The following GRHL1 variants were observed in gnomAD, a reference collection of about 807,000 sequenced individuals.
GRHL1 encodes the protein grainyhead-like protein 1 homolog.
In GRHL1, 38 loss-of-function variants were observed where a neutral mutation model predicts 75.7. That is an observed-to-expected ratio of 0.50 (90% CI 0.39 to 0.66). GRHL1 has a LOEUF of 0.66. Ranked by LOEUF, GRHL1 falls within the 30% of genes least tolerant of loss-of-function variation. The pLI is 0.00. For synonymous variants in GRHL1, 266 were observed against 279.4 expected (o/e 0.95, Z 0.48); for missense variants, 589 against 767.5 (o/e 0.77, Z 2.75).
Position 9,954,897 on chromosome 2 carries a change from T to A in GRHL1, c.21-18T>A. The A allele has an allele frequency of 6.2e-7, 1 of 1,607,600 alleles. No homozygotes were observed. The highest frequency in any genetic ancestry group is 8.5e-7 in the Non-Finnish European group (1 of 1,174,222). ...TAGAAAAGTGTGTGTTTTTGTTTTT[T>A]TTTTAATTTCTCTGAAGCAAACGGC... On this transcript the variant is annotated intron_variant, in intron 1 of 15. Coordinates refer to ENST00000324907, the MANE Select transcript of GRHL1 (RefSeq NM_198182.3).
chr2:9,988,024 A>T (rs747391076), intron 9 of GRHL1, among the ~76,000 whole-genome samples: 1 of 152,194 alleles, frequency 6.6e-6, no homozygotes, highest in Non-Finnish European at 1.5e-5. Context: ...CACAAAGCAC[A>T]GTGGCTGAGC....
At position 9,968,321 on chromosome 2, in the gene GRHL1, A is replaced by C. The variant is rs1308572133; in HGVS notation, c.1110+2940A>C. 6.6e-6 allele frequency among the ~76,000 whole-genome samples: 1 copy of C among 152,234 alleles called. No individual in the cohort carries two copies. Among genetic ancestry groups the C allele is most frequent in the African/African-American group, 2.4e-5 (1 of 41,460 alleles). On this transcript the variant is annotated intron_variant, in intron 8 of 15. Transcript: ENST00000324907. The surrounding 1 kb of genome is among the most constrained non-coding windows in gnomAD (Gnocchi z 4.7). ...CTTGTGAAAATTTGTTCGTTTTCAAAGTGGTGGAAGAGAAGGAAGTTGCTT... is the reference window on the plus strand; with the variant it reads ...CTTGTGAAAATTTGTTCGTTTTCAACGTGGTGGAAGAGAAGGAAGTTGCTT...
intron 1 of GRHL1, among the ~76,000 whole-genome samples, chr2:9,954,677 T>G (rs564374169): frequency 6.6e-6 from 1 of 152,322 alleles, no homozygotes; most frequent in East Asian, 1.9e-4. Flanking sequence ...TAGTATACCC[T>G]GGGTTCCACG....
chr2:9,954,907 C>A lies in GRHL1; in HGVS notation c.21-8C>A. ...TGTGTTTTTGTTTTTTTTTTAATTT[C>A]TCTGAAGCAAACGGCCAGTGTTGGT... On this transcript the variant is annotated splice_polypyrimidine_tract_variant and splice_region_variant and intron_variant, in intron 1 of 15. Coordinates refer to ENST00000324907, the MANE Select transcript of GRHL1 (RefSeq NM_198182.3). The A allele has an allele frequency of 6.2e-7, 1 of 1,604,912 alleles. No homozygotes were observed. Among genetic ancestry groups the A allele is most frequent in the Non-Finnish European group, 8.5e-7 (1 of 1,172,532 alleles).
rs754495603 is a variant in GRHL1 at position 9,961,160 on chromosome 2, C to T, written c.393C>T (p.Gly131=). 8.1e-6 allele frequency: 13 copies of T among 1,613,636 alleles called. No homozygotes were observed. In the African/African-American group the frequency reaches 1.6e-4, roughly 20 times the overall value. ...NIVLPHGNQL[G]IDKRGHLTAP... ...TCCTTCCCCATGGCAACCAGCTGGG[C>T]ATTGATAAGAGAGGCCATCTGACAG... Residue 131 remains glycine, a synonymous_variant, in exon 4 of 16, where the codon GGC becomes GGT. Transcript: ENST00000324907.
intron 8 of GRHL1, among the ~76,000 whole-genome samples, chr2:9,985,208 A>G (rs1668364792): frequency 6.6e-6 from 1 of 152,184 alleles, no homozygotes; most frequent in Non-Finnish European, 1.5e-5. Context: ...GAATAGTAGA[A>G]CTGTTGCTTA....
intron 1 of GRHL1, among the ~76,000 whole-genome samples, chr2:9,952,161 C>T (rs1572323566): frequency 6.6e-6 from 1 of 151,904 alleles, no homozygotes; most frequent in African/African-American, 2.4e-5. Flanking sequence ...GGTCCGGGCC[C>T]CCGGCGCGGT....
intron 12 of GRHL1, chr2:9,995,320 G>C (rs1376026342): frequency 1.3e-5 from 2 of 152,378 alleles, no homozygotes. Flanking sequence ...AGCCAGGCGT[G>C]GTGGATCATG....
chr2:9,980,805 T>C (rs1294441067), intron 8 of GRHL1, among the ~76,000 whole-genome samples: 1 of 152,246 alleles, frequency 6.6e-6, no homozygotes, highest in East Asian at 1.9e-4. Context: ...AATGGGGCTT[T>C]TTAAGTGTGC....
In GRHL1 at chr2:9,951,984, GT is replaced by G. The variant is rs955577977; in HGVS notation, c.20+132del. ...CGCGGGGCGCGAGCCGGGGGCCGCT[GT>G]CCACTCCACGCCGCCACGGCCTTTG... On this transcript the variant is annotated intron_variant, in intron 1 of 15. Coordinates refer to ENST00000324907, the MANE Select transcript of GRHL1 (RefSeq NM_198182.3). This position sits in a 1 kb window ranked among gnomAD's most constrained non-coding sequence, Gnocchi z 4.2. The G allele has an allele frequency of 1.5e-5, 5 of 328,394 alleles. No individual in the cohort carries two copies. The highest frequency in any genetic ancestry group is 2.2e-5 in the Non-Finnish European group (5 of 225,894). The allele number at this position is 328,394 out of a possible 1,614,324, so 20.3% of individuals were successfully genotyped here.
chr2:9,961,053 A>C lies in GRHL1; in HGVS notation c.286A>C (p.Ile96Leu). The C allele has an allele frequency of 6.5e-7, 1 of 1,539,964 alleles. No individual in the cohort carries two copies. Among genetic ancestry groups the C allele is most frequent in the Non-Finnish European group, 8.8e-7 (1 of 1,139,228 alleles). ...PEPDHSKRNS[I>L]PIVTEQPLIS... ...AGTTTTCTTTTCTTAAAGAAACAGC[A>C]TACCAATTGTGACAGAGCAGCCCCT... is the stretch of plus-strand genomic sequence containing the variant. The change falls in exon 4 of 16, where the codon ATA (isoleucine) becomes CTA (leucine). Residue 96 changes from isoleucine to leucine, a missense_variant. Around this residue, in one of 5 missense-constraint regions of GRHL1, gnomAD observed 362 missense variants for 461.8 expected, o/e 0.78. Transcript: ENST00000324907.
At position 9,968,012 on chromosome 2, in the gene GRHL1, C is replaced by G. The variant is rs1339152897; in HGVS notation, c.1110+2631C>G. Among the ~76,000 whole-genome samples, 1 of 152,196 alleles carries G rather than the reference C, an allele frequency of 6.6e-6. No homozygotes were observed. The highest frequency in any genetic ancestry group is 2.4e-5 in the African/African-American group (1 of 41,434). On this transcript the variant is annotated intron_variant, in intron 8 of 15. Transcript: ENST00000324907. This position sits in a 1 kb window ranked among gnomAD's most constrained non-coding sequence, Gnocchi z 4.7. ...GGAGCTATGTGGCATTTCCTCCCCT[C>G]CCCTTTTAGTGATCTCTAATGTACC...
chr2:9,965,435 G>T, intron 8 of GRHL1, 54 bp downstream of exon 8: 3 of 909,668 alleles, frequency 3.3e-6, no homozygotes, highest in African/African-American at 1.7e-5. Context: ...AATGGGAGGA[G>T]TTTAATGATT....
chr2:9,953,781 G>C (rs1188639281), intron 1 of GRHL1, among the ~76,000 whole-genome samples: 4 of 152,168 alleles, frequency 2.6e-5, no homozygotes, highest in Admixed American at 2.6e-4. Context: ...AAAATAGGCA[G>C]GTCACCTTTA....
intron 8 of GRHL1, among the ~76,000 whole-genome samples, chr2:9,977,170 C>T (rs1667982394): frequency 6.6e-6 from 1 of 152,030 alleles, no homozygotes; most frequent in African/African-American, 2.4e-5. Context: ...GGTGGGGGCA[C>T]TGTTATGTAT....
In GRHL1 at chr2:9,990,446, C is replaced by T. The variant is rs1199833904; in HGVS notation, c.1270-250C>T. On this transcript the variant is annotated intron_variant, in intron 9 of 15. Transcript: ENST00000324907. This position sits in a 1 kb window ranked among gnomAD's most constrained non-coding sequence, Gnocchi z 4.2. ...GATTACAGGCATGAGCTACCGCTTCCGGCCGGAATTTTGCTTTATTTGTTT... is the reference window on the plus strand; with the variant it reads ...GATTACAGGCATGAGCTACCGCTTCTGGCCGGAATTTTGCTTTATTTGTTT... Among the ~76,000 whole-genome samples the T allele has an allele frequency of 1.3e-5, 2 of 152,166 alleles. No individual in the cohort carries two copies. Among genetic ancestry groups the T allele is most frequent in the African/African-American group, 2.4e-5 (1 of 41,432 alleles).
At position 9,998,951 on chromosome 2, in the gene GRHL1, C is replaced by T; in HGVS notation, c.1678-14C>T. ...GATACAGGGTTTTGTAATTATTTTT[C>T]TTTCCTCTTTTAGATCTCAGACAAA... On this transcript the variant is annotated splice_polypyrimidine_tract_variant and intron_variant, in intron 14 of 15. Transcript: ENST00000324907. 6.9e-7 allele frequency: 1 copy of T among 1,447,358 alleles called. No homozygotes were observed. Among genetic ancestry groups the T allele is most frequent in the South Asian group, 1.2e-5 (1 of 80,128 alleles). The allele number at this position is 1,447,358 out of a possible 1,614,324, so 89.7% of individuals were successfully genotyped here.
intron 8 of GRHL1, 73 bp downstream of exon 8, chr2:9,965,454 G>GT: frequency 1.2e-6 from 1 of 806,954 alleles, no homozygotes; most frequent in Non-Finnish European, 2.1e-6. Context: ...TTTGACAACT[G>GT]ATTTTTTTTT....
chr2:9,983,402 A>C (rs1035319886), intron 8 of GRHL1, among the ~76,000 whole-genome samples: 8 of 152,196 alleles, frequency 5.3e-5, no homozygotes, highest in African/African-American at 1.7e-4. Context: ...TTTTAGAATA[A>C]GAGAGAAATG....
Sources: gnomAD v4.1 joint callset for allele counts (sites outside exome capture counted in the v4.1 genomes callset) on GRCh38, gnomAD v4.1.1 for gene constraint, gnomAD v4.1.1 regional missense constraint, Gnocchi (gnomAD v3.1) non-coding constraint, MANE v1.5 for transcripts, NCBI Gene and HGNC (gene_info 2026-07-23, HGNC 2026-07-21) for gene names.